Variants in FGD5 observed in about 807,000 individuals in gnomAD.
FGD5 encodes FYVE, RhoGEF and PH domain containing 5.
FGD5 carries 28 observed loss-of-function variants against 133.4 expected under a neutral mutation model. The observed-to-expected ratio is 0.21, with a 90% confidence interval of 0.16 to 0.29. The LOEUF is 0.29. Ranked by LOEUF, FGD5 falls within the 10% of genes least tolerant of loss-of-function variation. The pLI, the probability that FGD5 is intolerant of heterozygous loss-of-function variation, is 1.00. For missense variants in FGD5, 1,858 were observed against 1,895.2 expected, an observed-to-expected ratio of 0.98 and a Z score of 0.36; for synonymous variants, 810 against 776.5, an observed-to-expected ratio of 1.04 and a Z score of -0.72.
At chr3:14,905,873 G>T (rs1478451374) in intron 9 of FGD5, among the ~76,000 whole-genome samples, 2 of 152,108 alleles carry the variant, frequency 1.3e-5, no homozygotes, top group Non-Finnish European at 2.9e-5. Flanking sequence ...GGCATTATGT[G>T]TAGAAGCACT....
intron 1 of FGD5, among the ~76,000 whole-genome samples, chr3:14,860,084 T>A (rs1372938944): frequency 6.6e-6 from 1 of 151,670 alleles, no homozygotes; most frequent in East Asian, 1.9e-4. Context: ...AGGGAGGAGG[T>A]GAAGTGCATC....
chr3:14,933,003 A>G (rs1197885969), intron 19 of FGD5, 128 bp from the exon 20 acceptor site: 2 of 1,173,518 alleles, frequency 1.7e-6, no homozygotes, highest in African/African-American at 3.1e-5. Flanking sequence ...TGAGAAACAA[A>G]TACAATTACG....
Position 14,819,267 on chromosome 3 carries a change from A to T in FGD5, c.196A>T (p.Ile66Phe), listed in dbSNP as rs1004400262. 2.0e-6 allele frequency: 3 copies of T among 1,534,862 alleles called. No individual in the cohort carries two copies. The African/African-American group carries it at 4.1e-5, about 21-fold the overall frequency. ...TGAGTCGGAGACCGACGAGGATTAC[A>T]TCGTGGTCCCCAGGGTTCCGCTGAG... ...CSESETDEDYIVVPRVPLRED... is the reference protein window; with the variant it reads ...CSESETDEDYFVVPRVPLRED... The change falls in exon 1 of 20, where the codon ATC becomes TTC. Residue 66 changes from isoleucine to phenylalanine, a missense_variant. By Grantham distance (21) the Ile-to-Phe change is conservative (BLOSUM62 0). This residue lies in a region of FGD5 where 1,824 missense variants were observed against 1,848.9 expected (regional missense o/e 0.99). Transcript: ENST00000285046. This position sits in a 1 kb window ranked among gnomAD's most constrained non-coding sequence, Gnocchi z 4.1.
At chr3:14,867,538 T>C (rs1233425193) in intron 2 of FGD5, among the ~76,000 whole-genome samples, 1 of 152,154 alleles carries the variant, frequency 6.6e-6, no homozygotes, top group African/African-American at 2.4e-5. Flanking sequence ...ATTTTAAATC[T>C]CCATATCCAC....
chr3:14,917,274 A>G lies in FGD5; in HGVS notation c.3431A>G (p.Tyr1144Cys), dbSNP rs751171380. 4 of 1,613,772 alleles carry G rather than the reference A, an allele frequency of 2.5e-6. No individual in the cohort carries two copies. Among genetic ancestry groups the G allele is most frequent in the Non-Finnish European group, 3.4e-6 (4 of 1,179,806 alleles). ...FLMNDVLLYT[Y>C]PQKDGKYRLK... Reference sequence around the variant, plus strand: ...ATGAACGATGTGCTCCTGTACACCTATCCCCAGAAGGATGGGAAGTACCGG... The same window carrying G: ...ATGAACGATGTGCTCCTGTACACCTGTCCCCAGAAGGATGGGAAGTACCGG... The change falls in exon 12 of 20, where the codon TAT (tyrosine) becomes TGT (cysteine). Residue 1144 changes from tyrosine (Y) to cysteine (C), a missense_variant. Around this residue, in one of 3 missense-constraint regions of FGD5, gnomAD observed 1,824 missense variants for 1,848.9 expected, o/e 0.99. Coordinates refer to ENST00000285046, the MANE Select transcript of FGD5 (RefSeq NM_152536.4). The surrounding 1 kb of genome is among the most constrained non-coding windows in gnomAD (Gnocchi z 4.1).
At position 14,820,890 on chromosome 3, in the gene FGD5, T is replaced by A. The variant is rs749896413; in HGVS notation, c.1819T>A (p.Ser607Thr). The A allele has an allele frequency of 6.8e-6, 11 of 1,613,654 alleles. No homozygotes were observed. The South Asian group carries it at 1.2e-4, about 18-fold the overall frequency. ...AAACCACCTTCCGTCCAGCGGCACC[T>A]CCACGCCTTCTTCCATGGTCGACAT... ...QRNHLPSSGT[S>T]TPSSMVDIPP... The change falls in exon 1 of 20, where the codon TCC (serine) becomes ACC (threonine). Residue 607 changes from serine (S) to threonine (T), a missense_variant. By Grantham distance (58) the Ser-to-Thr change is moderately conservative (BLOSUM62 1). Transcript: ENST00000285046.
chr3:14,815,819 A>G (rs2036360155), upstream of FGD5, among the ~76,000 whole-genome samples: 1 of 152,194 alleles, frequency 6.6e-6, no homozygotes, highest in African/African-American at 2.4e-5. Flanking sequence ...AGGTGACAAC[A>G]CTAGAAAGCC....
At chr3:14,887,072 C>G (rs552787059) in intron 4 of FGD5, among the ~76,000 whole-genome samples, 1 of 152,168 alleles carries the variant, frequency 6.6e-6, no homozygotes, top group Non-Finnish European at 1.5e-5. Flanking sequence ...CCTGTTGAGT[C>G]TTCTGCATCC....
intron 4 of FGD5, among the ~76,000 whole-genome samples, chr3:14,889,592 T>C (rs2125125547): frequency 6.6e-6 from 1 of 152,290 alleles, no homozygotes. Context: ...GGGATAAGCA[T>C]AGACATAGCT....
chr3:14,885,294 T>C (rs554104250), intron 4 of FGD5, among the ~76,000 whole-genome samples: 5 of 151,000 alleles, frequency 3.3e-5, no homozygotes, highest in African/African-American at 1.2e-4. Context: ...AAACAGATAG[T>C]GAGAAGAGAG....
intron 4 of FGD5, among the ~76,000 whole-genome samples, chr3:14,894,795 T>C (rs2038101588): frequency 6.6e-6 from 1 of 152,070 alleles, no homozygotes; most frequent in African/African-American, 2.4e-5. Flanking sequence ...ACCTTCATAC[T>C]GTTCTCCATA....
intron 1 of FGD5, among the ~76,000 whole-genome samples, chr3:14,839,337 C>T (rs570836073): frequency 1.3e-5 from 2 of 152,176 alleles, no homozygotes; most frequent in African/African-American, 4.8e-5. Context: ...TAGACCACAG[C>T]CAGTGTACAA....
intron 2 of FGD5, among the ~76,000 whole-genome samples, chr3:14,873,555 G>A (rs1473551075): frequency 6.6e-6 from 1 of 152,114 alleles, no homozygotes; most frequent in Non-Finnish European, 1.5e-5. Flanking sequence ...GGAGGGCTGT[G>A]TCTTGTTTGA....
At chr3:14,862,850 A>G (rs115858112) in intron 1 of FGD5, among the ~76,000 whole-genome samples, 1,547 of 152,152 alleles carry the variant, frequency 0.01, 22 homozygotes, top group African/African-American at 0.033. Flanking sequence ...GTCTGGCCCT[A>G]TAGCCCCTTG....
intron 4 of FGD5, among the ~76,000 whole-genome samples, chr3:14,887,224 C>G (rs1046759903): frequency 6.6e-6 from 1 of 152,168 alleles, no homozygotes; most frequent in Non-Finnish European, 1.5e-5. Context: ...CTGCCTTCAT[C>G]ACTAAACTCT....
At chr3:14,882,282 A>G (rs1280958942) in intron 4 of FGD5, 58 of 985,116 alleles carry the variant, frequency 5.9e-5, no homozygotes, top group Non-Finnish European at 6.4e-5. Context: ...ACTTCATAAG[A>G]GGGTTTTAAC....
At chr3:14,895,782 T>G (rs1298843532) in intron 4 of FGD5, among the ~76,000 whole-genome samples, 2 of 152,166 alleles carry the variant, frequency 1.3e-5, no homozygotes, top group Non-Finnish European at 2.9e-5. Flanking sequence ...TTGCCTAGGC[T>G]GATCTCAAAC....
chr3:14,870,989 G>A (rs1216592539), intron 2 of FGD5, among the ~76,000 whole-genome samples: 1 of 152,170 alleles, frequency 6.6e-6, no homozygotes, highest in South Asian at 2.1e-4. Context: ...GATACAAAAC[G>A]AGTTCTGTCT....
rs774689600 is a variant in FGD5 at position 14,821,417 on chromosome 3, G to A, written c.2346G>A (p.Ser782=). The change falls in exon 1 of 20, where the codon TCG becomes TCA. Residue 782 remains serine, a synonymous_variant. Coordinates refer to ENST00000285046, the MANE Select transcript of FGD5 (RefSeq NM_152536.4). ...SDYENIPAMN[S]DYENIQIPPR... is the part of the protein sequence containing the mutation. ...ATGAGAACATTCCAGCCATGAACTC[G>A]GACTATGAGAATATCCAGATTCCAC... The A allele has an allele frequency of 6.2e-7, 1 of 1,613,940 alleles. No homozygotes were observed. Among genetic ancestry groups the A allele is most frequent in the Non-Finnish European group, 8.5e-7 (1 of 1,179,874 alleles).
Sources: allele counts gnomAD v4.1 joint callset (sites outside exome capture counted in the v4.1 genomes callset), GRCh38; gene constraint gnomAD v4.1.1; regional missense constraint gnomAD v4.1.1; non-coding constraint Gnocchi (gnomAD v3.1); transcripts MANE v1.5; gene names NCBI Gene and HGNC (gene_info 2026-07-23, HGNC 2026-07-21).